The following PTPRG variants were observed in gnomAD, a reference collection of about 807,000 sequenced individuals.
The protein encoded by PTPRG is protein tyrosine phosphatase receptor type G.
In PTPRG, 102 loss-of-function variants were observed where a neutral mutation model predicts 165.3. The observed-to-expected ratio is 0.62, with a 90% CI of 0.53 to 0.73. PTPRG has a LOEUF of 0.73. Among genes scored for constraint, PTPRG ranks in the 30% least tolerant of loss-of-function variants. The probability of loss-of-function intolerance (pLI) is 0.00; values close to 1 mark genes in which losing one functional copy is unlikely to be tolerated. For missense variants in PTPRG, 1,866 were observed against 1,861.4 expected (o/e 1.00, Z -0.05); for synonymous variants, 675 against 669.5 (o/e 1.01, Z -0.13).
intron 4 of PTPRG, among the ~76,000 whole-genome samples, chr3:62,008,164 A>G (rs114806476): frequency 0.011 from 1,604 of 152,346 alleles, 22 homozygotes; most frequent in African/African-American, 0.036. Context: ...ATAAAGGTTC[A>G]TATAACACTA....
At chr3:61,967,626 C>T (rs1053223583) in intron 2 of PTPRG, among the ~76,000 whole-genome samples, 1 of 152,130 alleles carries the variant, frequency 6.6e-6, no homozygotes, top group African/African-American at 2.4e-5. Flanking sequence ...AATTTATAAT[C>T]ATGGTGTTCT....
chr3:61,844,898 G>C (rs2036763620), intron 2 of PTPRG, among the ~76,000 whole-genome samples: 1 of 152,054 alleles, frequency 6.6e-6, no homozygotes, highest in African/African-American at 2.4e-5. Context: ...ATAGTAATAG[G>C]GATACCTACA....
intron 5 of PTPRG, among the ~76,000 whole-genome samples, chr3:62,117,872 A>G (rs1048302791): frequency 6.6e-6 from 1 of 152,190 alleles, no homozygotes; most frequent in African/African-American, 2.4e-5. Flanking sequence ...TGCTTAGTAA[A>G]TATTTGTTGA....
intron 16 of PTPRG, 103 bp from the exon 17 acceptor site, chr3:62,262,695 G>C (rs1210305166): frequency 1.8e-5 from 11 of 618,710 alleles, no homozygotes; most frequent in Non-Finnish European, 2.4e-5. Context: ...GAAGGTAACG[G>C]TGGCTGTGGC....
rs563359379 is a variant in PTPRG, at chr3:61,615,509, A to G, written c.85+53137A>G. On this transcript the variant is annotated intron_variant, in intron 1 of 29. Coordinates refer to ENST00000474889, the MANE Select transcript of PTPRG (RefSeq NM_002841.4). ...ATTTGTCCCATTGCTGGTGGTGTTAACTTTGATCACTTGATAAGGCAGCAT... is the reference window on the plus strand; with the variant it reads ...ATTTGTCCCATTGCTGGTGGTGTTAGCTTTGATCACTTGATAAGGCAGCAT... Among the ~76,000 whole-genome samples, 3 of 152,352 alleles carry G rather than the reference A, an allele frequency of 2.0e-5. No homozygotes were observed. In the East Asian group the frequency reaches 5.8e-4, roughly 29 times the overall value.
chr3:61,996,248 A>G (rs1049780694), intron 3 of PTPRG, among the ~76,000 whole-genome samples: 7 of 152,222 alleles, frequency 4.6e-5, no homozygotes, highest in African/African-American at 1.7e-4. Context: ...AGTGAAATAC[A>G]TGAATGATTC....
At chr3:62,216,634 G>T (rs1700517412) in intron 12 of PTPRG, among the ~76,000 whole-genome samples, 2 of 149,158 alleles carry the variant, frequency 1.3e-5, no homozygotes, top group Non-Finnish European at 3.0e-5. Context: ...TGGTTCCTCT[G>T]GCCAGCCACC....
At chr3:61,673,521 A>C (rs1386073555) in intron 1 of PTPRG, among the ~76,000 whole-genome samples, 4 of 150,756 alleles carry the variant, frequency 2.7e-5, no homozygotes, top group Non-Finnish European at 4.4e-5. Flanking sequence ...TAGGCATCAC[A>C]CTGAGTACAA....
At chr3:61,701,758 G>A (rs1484319954) in intron 1 of PTPRG, among the ~76,000 whole-genome samples, 2 of 152,056 alleles carry the variant, frequency 1.3e-5, no homozygotes, top group Admixed American at 6.6e-5. Context: ...TTATCCAGGT[G>A]TCGTGTCACG....
intron 1 of PTPRG, among the ~76,000 whole-genome samples, chr3:61,564,029 C>A (rs1041907486): frequency 2.6e-5 from 4 of 152,362 alleles, no homozygotes; most frequent in African/African-American, 9.6e-5. Flanking sequence ...CCACTGGAGT[C>A]CTGCCTCTAC....
At chr3:61,864,733 A>T (rs2037359502) in intron 2 of PTPRG, among the ~76,000 whole-genome samples, 1 of 152,200 alleles carries the variant, frequency 6.6e-6, no homozygotes, top group Non-Finnish European at 1.5e-5. Context: ...TTTCACTTCA[A>T]CATCTGTGCT....
intron 1 of PTPRG, among the ~76,000 whole-genome samples, chr3:61,595,563 G>A (rs138218110): frequency 1.3e-3 from 201 of 152,330 alleles, no homozygotes; most frequent in African/African-American, 4.2e-3. Context: ...AACTTTAGTA[G>A]TTTGGCCCTA....
chr3:62,015,641 T>C (rs1283059988), intron 4 of PTPRG, among the ~76,000 whole-genome samples: 3 of 152,112 alleles, frequency 2.0e-5, no homozygotes, highest in African/African-American at 7.2e-5. Context: ...CACACCAGTC[T>C]ATCTAGTTTA....
intron 14 of PTPRG, among the ~76,000 whole-genome samples, chr3:62,239,078 T>C (rs542431227): frequency 2.0e-5 from 3 of 152,316 alleles, no homozygotes; most frequent in South Asian, 4.1e-4. Flanking sequence ...GATTATACTT[T>C]GTAGTTAAAT....
intron 13 of PTPRG, among the ~76,000 whole-genome samples, chr3:62,227,884 G>A (rs1700796200): frequency 6.6e-6 from 1 of 152,202 alleles, no homozygotes; most frequent in South Asian, 2.1e-4. Flanking sequence ...ATAGAAAGAT[G>A]TGATGAAAAA....
intron 1 of PTPRG, among the ~76,000 whole-genome samples, chr3:61,704,064 T>C (rs1346630018): frequency 6.6e-6 from 1 of 152,064 alleles, no homozygotes; most frequent in Non-Finnish European, 1.5e-5. Context: ...GGATTTACAG[T>C]AGGGATAGGA....
intron 2 of PTPRG, among the ~76,000 whole-genome samples, chr3:61,754,451 C>T (rs979193011): frequency 3.9e-5 from 6 of 152,120 alleles, no homozygotes; most frequent in African/African-American, 7.2e-5. Flanking sequence ...TGTGTCTGGG[C>T]GTGTGTCTCA....
intron 12 of PTPRG, among the ~76,000 whole-genome samples, chr3:62,209,851 C>A (rs1332319415): frequency 6.6e-6 from 1 of 152,136 alleles, no homozygotes; most frequent in Non-Finnish European, 1.5e-5. Context: ...CCACTAAGAA[C>A]AATTAGATTT....
chr3:61,820,603 G>GTTTTTTTTTTTTTTTTTTTTTTTTTTT (rs11329820), intron 2 of PTPRG, among the ~76,000 whole-genome samples: 6 of 65,732 alleles, frequency 9.1e-5, no homozygotes, highest in African/African-American at 2.0e-4. Flanking sequence ...CTGTGTCTCT[G>GTTTTTTTTTTTTTTTTTTTTTTTTTTT]TTTTTTTTTT....
Sources: allele counts gnomAD v4.1 joint callset (sites outside exome capture counted in the v4.1 genomes callset), GRCh38; gene constraint gnomAD v4.1.1; transcripts MANE v1.5; gene names NCBI Gene and HGNC (gene_info 2026-07-23, HGNC 2026-07-21).